Variants in NCOR1 observed in about 807,000 individuals in gnomAD.
The protein encoded by NCOR1 is protein phosphatase 1, regulatory subunit 109.
A neutral mutation model predicts 288.1 loss-of-function variants in NCOR1; 63 were observed. That is an observed-to-expected ratio of 0.22 (90% CI 0.18 to 0.27). NCOR1 has a LOEUF of 0.27. NCOR1 is among the 10% of genes least tolerant of loss of function. The pLI, the probability that NCOR1 is intolerant of heterozygous loss-of-function variation, is 1.00. For missense variants in NCOR1, 2,397 were observed against 3,019.2 expected (o/e 0.79, Z 4.83); for synonymous variants, 1,007 against 1,065.9 (o/e 0.94, Z 1.08).
chr17:16,193,756 C>T (rs178813), intron 2 of NCOR1, among the ~76,000 whole-genome samples: 58,717 of 151,916 alleles, frequency 0.39, 13,659 homozygotes, highest in Middle Eastern at 0.52. Flanking sequence ...CCTCCCTACA[C>T]AGGAACAACG....
chr17:16,122,030 C>G (rs1040101234), intron 15 of NCOR1, among the ~76,000 whole-genome samples: 3 of 152,304 alleles, frequency 2.0e-5, no homozygotes, highest in Admixed American at 2.0e-4. Flanking sequence ...CAGAACAGTG[C>G]CTGGAACACA....
At position 16,071,389 on chromosome 17, in the gene NCOR1, A is replaced by G. The variant is rs1031674408; in HGVS notation, c.4152+20T>C. ...TCCATAAATATCAGTTACTGACAAA[A>G]AGAGCCAAAACTTAGTTACCTGGGA... is the stretch of plus-strand genomic sequence containing the variant. On this transcript the variant is annotated intron_variant, in intron 30 of 45. Coordinates refer to ENST00000268712, the MANE Select transcript of NCOR1 (RefSeq NM_006311.4). 6 of 1,600,404 alleles carry G rather than the reference A, an allele frequency of 3.7e-6. No homozygotes were observed. The African/African-American group carries it at 6.8e-5, about 18-fold the overall frequency.
intron 20 of NCOR1, 189 bp from the exon 21 acceptor site, chr17:16,098,685 G>C: frequency 2.4e-6 from 1 of 424,662 alleles, no homozygotes; most frequent in Admixed American, 4.3e-5. Context: ...TGATTTTCCA[G>C]ATAAAGAAAC....
chr17:16,081,154 A>G (rs956193342), intron 23 of NCOR1, among the ~76,000 whole-genome samples: 3 of 151,300 alleles, frequency 2.0e-5, no homozygotes, highest in Non-Finnish European at 4.4e-5. Context: ...ACCTGGAAAA[A>G]TTTTAAGAAT....
intron 19 of NCOR1, 74 bp from the exon 20 acceptor site, chr17:16,101,831 A>C: frequency 3.2e-6 from 5 of 1,543,274 alleles, no homozygotes; most frequent in Non-Finnish European, 4.4e-6. Flanking sequence ...ACAGCATAAA[A>C]ATCTGATAAT....
At chr17:16,044,801 T>C in intron 42 of NCOR1, 2 of 1,116,110 alleles carry the variant, frequency 1.8e-6, no homozygotes, top group Non-Finnish European at 2.7e-6. Flanking sequence ...GAGCCTCATC[T>C]ACAATGTAGG....
rs887966250 is a variant in NCOR1 at position 16,205,214 on chromosome 17, C to G, written c.-71+10148G>C. ...CAGCCTGTGCAACAAGAGCAAAACT[C>G]TGTCTCACAAAAAAAAAAAAGAAAG... is the stretch of plus-strand genomic sequence containing the variant. On this transcript the variant is annotated intron_variant, in intron 1 of 45. Coordinates refer to ENST00000268712, the MANE Select transcript of NCOR1 (RefSeq NM_006311.4). 2.7e-4 allele frequency among the ~76,000 whole-genome samples: 41 copies of G among 151,124 alleles called. 1 individual carries two copies. The highest frequency in any genetic ancestry group is 7.5e-4 in the African/African-American group (31 of 41,174).
chr17:16,129,349 A>G (rs1345337465), intron 14 of NCOR1, among the ~76,000 whole-genome samples: 3 of 152,090 alleles, frequency 2.0e-5, no homozygotes, highest in Non-Finnish European at 4.4e-5. Flanking sequence ...ATTCTATCAA[A>G]TTTTCACAGT....
chr17:16,097,379 C>G (rs1055253502), intron 21 of NCOR1, among the ~76,000 whole-genome samples: 1 of 152,220 alleles, frequency 6.6e-6, no homozygotes, highest in African/African-American at 2.4e-5. Flanking sequence ...CACCACCATG[C>G]CCAGCAAGGG....
chr17:16,104,500 G>T (rs2068221081), intron 19 of NCOR1, among the ~76,000 whole-genome samples: 1 of 152,100 alleles, frequency 6.6e-6, no homozygotes, highest in Non-Finnish European at 1.5e-5. Flanking sequence ...GCTGAGAGTG[G>T]TGGCTCACGC....
At chr17:16,143,082 G>T (rs1451393262) in intron 11 of NCOR1, among the ~76,000 whole-genome samples, 1 of 152,122 alleles carries the variant, frequency 6.6e-6, no homozygotes, top group African/African-American at 2.4e-5. Context: ...AGATGACTCT[G>T]ATATCTAACC....
At chr17:16,048,803 C>T (rs776501935) in intron 41 of NCOR1, 42 bp downstream of exon 41, 1 of 1,538,554 alleles carries the variant, frequency 6.5e-7, no homozygotes, top group Non-Finnish European at 8.8e-7. Flanking sequence ...AGCATGAGCA[C>T]CCACGCCATG....
chr17:16,180,365 G>T (rs1233927035), intron 3 of NCOR1, among the ~76,000 whole-genome samples: 1 of 152,110 alleles, frequency 6.6e-6, no homozygotes, highest in Admixed American at 6.6e-5. Flanking sequence ...AAACAGTATG[G>T]AAGGCCCCAA....
At chr17:16,118,822 G>A (rs1352478770) in intron 17 of NCOR1, among the ~76,000 whole-genome samples, 1 of 152,058 alleles carries the variant, frequency 6.6e-6, no homozygotes, top group Non-Finnish European at 1.5e-5. Context: ...TCAAATTATA[G>A]TACATTAACA....
intron 6 of NCOR1, among the ~76,000 whole-genome samples, chr17:16,155,381 A>C (rs9895875): frequency 0.028 from 4,243 of 151,206 alleles, 96 homozygotes; most frequent in African/African-American, 0.057. Context: ...ACACACACAC[A>C]CACACACACA....
At chr17:16,165,202 T>C (rs774344153) in intron 4 of NCOR1, 41 bp from the exon 5 acceptor site, 1 of 1,517,920 alleles carries the variant, frequency 6.6e-7, no homozygotes. Flanking sequence ...TATTTCTCAC[T>C]AATAGAGTCC....
intron 42 of NCOR1, among the ~76,000 whole-genome samples, chr17:16,046,332 T>C (rs1011071467): frequency 2.6e-5 from 4 of 152,208 alleles, no homozygotes; most frequent in Non-Finnish European, 5.9e-5. Flanking sequence ...TACTTAACAG[T>C]GCACTTCATA....
At chr17:16,125,452 C>A (rs542720165) in intron 15 of NCOR1, among the ~76,000 whole-genome samples, 1 of 152,142 alleles carries the variant, frequency 6.6e-6, no homozygotes, top group South Asian at 2.1e-4. Flanking sequence ...CGTCTATAAT[C>A]CCAGCACTTT....
chr17:16,062,293 G>C, intron 35 of NCOR1, 23 bp from the exon 36 acceptor site: 2 of 1,567,836 alleles, frequency 1.3e-6, no homozygotes, highest in Non-Finnish European at 1.7e-6. Context: ...AAAAGAGAAA[G>C]AAACAAAGAC....
Sources: allele counts gnomAD v4.1 joint callset (sites outside exome capture counted in the v4.1 genomes callset), GRCh38; gene constraint gnomAD v4.1.1; transcripts MANE v1.5; gene names NCBI Gene and HGNC (gene_info 2026-07-23, HGNC 2026-07-21).